The following BST1 variants were observed in gnomAD, a reference collection of about 807,000 sequenced individuals.
The protein encoded by BST1 is ADP-ribosyl cyclase/cyclic ADP-ribose hydrolase 2.
BST1 carries 49 observed loss-of-function variants against 40.6 expected under a neutral mutation model. The ratio of observed to expected loss-of-function variants is 1.21; its 90% CI spans 0.96 to 1.53. The LOEUF is 1.53. Ranked by LOEUF, BST1 falls within the 40% of genes most tolerant of loss-of-function variation. The pLI is 0.00. For synonymous variants in BST1, 157 were observed against 159.3 expected (o/e 0.99, Z 0.11); for missense variants, 423 against 395.9 (o/e 1.07, Z -0.58).
the BST1 span, among the ~76,000 whole-genome samples, chr4:15,751,488 A>G: frequency 6.6e-6 from 1 of 152,274 alleles, no homozygotes; most frequent in African/African-American, 2.4e-5. Context: ...CCTCAAAAGA[A>G]AGGTAGCATT....
chr4:15,707,308 G>T (rs1719931617), intron 2 of BST1, among the ~76,000 whole-genome samples: 1 of 152,142 alleles, frequency 6.6e-6, no homozygotes, highest in Admixed American at 6.6e-5. Context: ...ACATTTGCAT[G>T]ATACCCTGGG....
intron 1 of BST1, 87 bp downstream of exon 1, chr4:15,703,419 G>A: frequency 6.9e-7 from 1 of 1,451,050 alleles, no homozygotes; most frequent in African/African-American, 1.5e-5. Flanking sequence ...GCTAAAGTTC[G>A]GGGTGAGGGG....
chr4:15,704,210 ATG>A (rs1205320130), intron 1 of BST1, among the ~76,000 whole-genome samples: 6 of 106,552 alleles, frequency 5.6e-5, no homozygotes. Context: ...GAGGGGGTGT[ATG>A]TGTATTCTAG....
the BST1 span, among the ~76,000 whole-genome samples, chr4:15,769,551 T>C: frequency 4.6e-5 from 7 of 152,026 alleles, no homozygotes; most frequent in African/African-American, 1.7e-4. Context: ...CTCAAAGAGC[T>C]AGTGGGGGTG....
chr4:15,709,402 G>T (rs1720061749), intron 3 of BST1, among the ~76,000 whole-genome samples: 2 of 152,206 alleles, frequency 1.3e-5, no homozygotes, highest in Non-Finnish European at 2.9e-5. Flanking sequence ...GGGCCAGGTG[G>T]CACAGGATGT....
chr4:15,731,610 G>T, intron 8 of BST1, 130 bp from the exon 9 acceptor site: 1 of 1,286,882 alleles, frequency 7.8e-7, no homozygotes, highest in South Asian at 1.3e-5. Context: ...GGGTGTCACG[G>T]GAGACTTTGC....
intron 8 of BST1, chr4:15,730,987 A>T (rs1721341031): frequency 1.9e-6 from 1 of 521,434 alleles, no homozygotes; most frequent in Non-Finnish European, 3.1e-6. Context: ...GGGCTTGCCT[A>T]TGGTGCTCTC....
Position 15,722,623 on chromosome 4 carries a change from A to G in BST1, c.792-252A>G, listed in dbSNP as rs35022883. On this transcript the variant is annotated intron_variant, in intron 7 of 8. Transcript: ENST00000265016. ...TTTTTTTTTTTTTTTTGTAGAGCCA[A>G]GGTCTCGCTATGTTGCCCAGGCTGG... is the stretch of plus-strand genomic sequence containing the variant. Among the ~76,000 whole-genome samples the G allele has an allele frequency of 0.33, 47,881 of 144,200 alleles. 9,148 individuals carry two copies. The highest frequency in any genetic ancestry group is 0.53 in the African/African-American group (20,141 of 37,786). The allele number at this position is 144,200 out of a possible 152,430, so 94.6% of individuals were successfully genotyped here.
At position 15,731,837 on chromosome 4, in the gene BST1, CAACTGT is replaced by C; in HGVS notation, c.955_*3del. On this transcript the variant is annotated stop_lost and inframe_deletion, in exon 9 of 9. Transcript: ENST00000265016. ...CTTTCTGGTGCTGGCTTCCAGGACTCAACTGTAACTGGAAACTGTGTTGCTCTAACC... is the reference window on the plus strand; with the variant it reads ...CTTTCTGGTGCTGGCTTCCAGGACTCAACTGGAAACTGTGTTGCTCTAACC... The C allele has an allele frequency of 6.2e-7, 1 of 1,612,732 alleles. No homozygotes were observed. Among genetic ancestry groups the C allele is most frequent in the Non-Finnish European group, 8.5e-7 (1 of 1,179,404 alleles).
At chr4:15,765,851 A>G in the BST1 span, among the ~76,000 whole-genome samples, 2 of 151,916 alleles carry the variant, frequency 1.3e-5, no homozygotes, top group South Asian at 4.1e-4. Flanking sequence ...AGCCCTCATC[A>G]TCACCTCGCA....
At chr4:15,721,271 G>A (rs1021030465) in intron 7 of BST1, among the ~76,000 whole-genome samples, 4 of 152,200 alleles carry the variant, frequency 2.6e-5, no homozygotes, top group Non-Finnish European at 5.9e-5. Context: ...CACATCAGTA[G>A]AAAGTTCTCC....
chr4:15,744,131 G>A, the BST1 span, among the ~76,000 whole-genome samples: 3 of 152,072 alleles, frequency 2.0e-5, no homozygotes, highest in African/African-American at 7.2e-5. Flanking sequence ...GACTTACACC[G>A]AAAGCTGAAT....
chr4:15,762,626 T>C, the BST1 span, among the ~76,000 whole-genome samples: 1 of 152,046 alleles, frequency 6.6e-6, no homozygotes, highest in Admixed American at 6.5e-5. Flanking sequence ...ATCAGCATTC[T>C]ACTCTCTGCT....
At chr4:15,773,839 A>G in the BST1 span, among the ~76,000 whole-genome samples, 2 of 152,040 alleles carry the variant, frequency 1.3e-5, no homozygotes, top group Non-Finnish European at 2.9e-5. Context: ...CAAAAACCAA[A>G]AACAAAACAA....
the BST1 span, among the ~76,000 whole-genome samples, chr4:15,761,553 T>C: frequency 1.3e-5 from 2 of 152,014 alleles, no homozygotes; most frequent in African/African-American, 4.8e-5. Flanking sequence ...GCTTAAAACA[T>C]AAAATATGAG....
chr4:15,740,302 C>T (rs150262902), downstream of BST1, among the ~76,000 whole-genome samples: 294 of 152,302 alleles, frequency 1.9e-3, 1 homozygote, highest in African/African-American at 6.7e-3. Flanking sequence ...AGTGATCTGC[C>T]CGCCTTGGGT....
downstream of BST1, among the ~76,000 whole-genome samples, chr4:15,742,888 G>A (rs1721778442): frequency 2.0e-5 from 3 of 152,240 alleles, no homozygotes; most frequent in South Asian, 6.2e-4. Context: ...TCAGTCATGG[G>A]TTCAGGACTG....
At chr4:15,715,904 C>A in intron 6 of BST1, 105 bp downstream of exon 6, 1 of 796,364 alleles carries the variant, frequency 1.3e-6, no homozygotes, top group Non-Finnish European at 1.9e-6. Context: ...AAATGACAGC[C>A]TTCTTTGCTT....
chr4:15,771,017 A>G, the BST1 span, among the ~76,000 whole-genome samples: 449 of 152,294 alleles, frequency 2.9e-3, 2 homozygotes, highest in African/African-American at 0.01. Context: ...GGATTCCTCA[A>G]GGCTAGTTTA....
Sources: gnomAD v4.1 joint callset for allele counts (sites outside exome capture counted in the v4.1 genomes callset) on GRCh38, gnomAD v4.1.1 for gene constraint, MANE v1.5 for transcripts, NCBI Gene and HGNC (gene_info 2026-07-23, HGNC 2026-07-21) for gene names.